MROH9: variants seen among roughly 807,000 people sequenced by gnomAD.
The protein encoded by MROH9 is maestro heat-like repeat-containing protein family member 9.
Under a neutral mutation model 98.2 loss-of-function variants are expected in MROH9, and 92 were observed. The ratio of observed to expected loss-of-function variants is 0.94; its 90% CI spans 0.79 to 1.11. The LOEUF (loss-of-function observed/expected upper bound fraction) is 1.11, where lower values mean the gene tolerates loss of function less well. Among genes scored for constraint, MROH9 ranks in the 50% most tolerant of loss-of-function variants. The pLI is 0.00. For synonymous variants in MROH9, 397 were observed against 368.9 expected (o/e 1.08, Z -0.87); for missense variants, 1,057 against 1,014.8 (o/e 1.04, Z -0.57).
chr1:170,950,127 G>A (rs566633849), intron 3 of MROH9, among the ~76,000 whole-genome samples: 1 of 152,128 alleles, frequency 6.6e-6, no homozygotes, highest in African/African-American at 2.4e-5. Flanking sequence ...GTGGCAGAAC[G>A]AGGTTATAAA....
chr1:171,019,883 T>C (rs1000951663), intron 17 of MROH9, among the ~76,000 whole-genome samples: 3 of 151,394 alleles, frequency 2.0e-5, no homozygotes, highest in Non-Finnish European at 2.9e-5. Context: ...TAGACTAATA[T>C]AGAAAAAAAG....
intron 16 of MROH9, 135 bp from the exon 17 acceptor site, chr1:171,016,028 A>T (rs1652310753): frequency 6.4e-6 from 3 of 470,772 alleles, no homozygotes; most frequent in Non-Finnish European, 1.1e-5. Flanking sequence ...CATTTTTGAA[A>T]ATTTGACAAG....
chr1:170,975,811 G>T (rs1248126156), intron 8 of MROH9, among the ~76,000 whole-genome samples: 2 of 152,182 alleles, frequency 1.3e-5, no homozygotes, highest in Non-Finnish European at 2.9e-5. Flanking sequence ...CTAAGAACTT[G>T]CTGTATGAAT....
At chr1:170,954,173 G>A (rs1319149441) in intron 3 of MROH9, among the ~76,000 whole-genome samples, 1 of 151,906 alleles carries the variant, frequency 6.6e-6, no homozygotes, top group Non-Finnish European at 1.5e-5. Context: ...AATATACTGG[G>A]CACTCACACA....
chr1:170,977,519 G>A (rs1427442756), intron 8 of MROH9, among the ~76,000 whole-genome samples: 4 of 152,080 alleles, frequency 2.6e-5, no homozygotes, highest in Non-Finnish European at 5.9e-5. Context: ...GAAGCTTTAG[G>A]GTGTGATCTG....
intron 1 of MROH9, among the ~76,000 whole-genome samples, chr1:170,942,179 G>A (rs540475306): frequency 1.3e-5 from 2 of 152,176 alleles, no homozygotes; most frequent in East Asian, 3.9e-4. Flanking sequence ...TTCTTTTGGA[G>A]TGTAGCACAT....
At chr1:170,976,793 G>T (rs773827415) in intron 8 of MROH9, among the ~76,000 whole-genome samples, 25 of 152,136 alleles carry the variant, frequency 1.6e-4, no homozygotes, top group Non-Finnish European at 3.4e-4. Flanking sequence ...GCAAGGTTGG[G>T]GAAGTTTTCA....
At chr1:171,047,658 T>C (rs764184415) in intron 20 of MROH9, among the ~76,000 whole-genome samples, 24 of 152,180 alleles carry the variant, frequency 1.6e-4, no homozygotes, top group Non-Finnish European at 2.5e-4. Flanking sequence ...GATTGGTCCA[T>C]GGTGCCTTAT....
intron 3 of MROH9, among the ~76,000 whole-genome samples, chr1:170,957,609 G>T (rs572732078): frequency 1.3e-5 from 2 of 152,036 alleles, no homozygotes; most frequent in South Asian, 4.2e-4. Flanking sequence ...AGACCTCCAT[G>T]TTCTTTCTTA....
intron 8 of MROH9, among the ~76,000 whole-genome samples, chr1:170,982,247 G>T (rs1650960537): frequency 7.1e-6 from 1 of 141,264 alleles, no homozygotes; most frequent in Non-Finnish European, 1.6e-5. Flanking sequence ...ACATATAATA[G>T]AATACTATTA....
intron 8 of MROH9, among the ~76,000 whole-genome samples, chr1:170,975,678 G>A (rs943191489): frequency 2.0e-5 from 3 of 151,824 alleles, no homozygotes; most frequent in Non-Finnish European, 2.9e-5. Flanking sequence ...TTAAGAAAAT[G>A]ACCTTTTTTG....
intron 7 of MROH9, among the ~76,000 whole-genome samples, chr1:170,970,890 G>T (rs941874526): frequency 6.6e-6 from 1 of 152,070 alleles, no homozygotes; most frequent in Non-Finnish European, 1.5e-5. Flanking sequence ...ATCAACAATT[G>T]CTCCAATCAT....
intron 20 of MROH9, among the ~76,000 whole-genome samples, chr1:171,045,361 T>C (rs1653441368): frequency 6.6e-6 from 1 of 152,130 alleles, no homozygotes; most frequent in Admixed American, 6.6e-5. Flanking sequence ...CTCTTGCTTC[T>C]CTAGTTCTTT....
intron 17 of MROH9, among the ~76,000 whole-genome samples, chr1:171,024,096 C>T (rs750073741): frequency 3.9e-5 from 6 of 152,104 alleles, no homozygotes; most frequent in Non-Finnish European, 5.9e-5. Context: ...TTTTTTAAGG[C>T]TGAAAAGTAT....
chr1:170,996,589 T>C lies in MROH9; in HGVS notation c.1420T>C (p.Trp474Arg). The change falls in exon 14 of 22, where the codon TGG becomes CGG. Residue 474 changes from tryptophan (W) to arginine (R), a missense_variant. Coordinates refer to ENST00000367759, the MANE Select transcript of MROH9 (RefSeq NM_001163629.2). ...VDITLMKENF[W>R]DQLSEDLCYY... ...TATTACTCTAATGAAGGAGAATTTCTGGGACCAGTTATCTGAAGATCTGTG... is the reference window on the plus strand; with the variant it reads ...TATTACTCTAATGAAGGAGAATTTCCGGGACCAGTTATCTGAAGATCTGTG... 2.5e-6 allele frequency: 4 copies of C among 1,613,662 alleles called. No individual in the cohort carries two copies. In the South Asian group the frequency reaches 4.4e-5, roughly 18 times the overall value.
intron 6 of MROH9, among the ~76,000 whole-genome samples, chr1:170,963,206 T>C (rs1252623684): frequency 6.6e-6 from 1 of 150,462 alleles, no homozygotes; most frequent in Admixed American, 6.6e-5. Flanking sequence ...GACATACATG[T>C]GGCCAACAAG....
At chr1:171,055,995 A>G (rs1176174204) in intron 20 of MROH9, among the ~76,000 whole-genome samples, 1 of 152,150 alleles carries the variant, frequency 6.6e-6, no homozygotes, top group African/African-American at 2.4e-5. Context: ...CCACAGAACT[A>G]TGAAACCCAC....
In MROH9 at chr1:170,958,563, T is replaced by C. The variant is rs147957610; in HGVS notation, c.152+23T>C. 152 of 1,452,298 alleles carry C rather than the reference T, an allele frequency of 1.0e-4. No individual in the cohort carries two copies. In the African/African-American group the frequency reaches 2.0e-3, roughly 19 times the overall value. 90.0% of individuals were successfully genotyped at this position (1,452,298 alleles called of 1,614,324 possible). ...CAGGTATGATAAGCTATCATGCTCT[T>C]TTATTTCACTAATTGGATGCATTTA... On this transcript the variant is annotated intron_variant, in intron 4 of 21. Transcript: ENST00000367759.
intron 7 of MROH9, among the ~76,000 whole-genome samples, chr1:170,971,173 T>C (rs923748257): frequency 1.3e-5 from 2 of 152,118 alleles, no homozygotes; most frequent in African/African-American, 4.8e-5. Flanking sequence ...AGTCTAAGGG[T>C]TGAAGAAGTT....
Sources: gnomAD v4.1 joint callset for allele counts (sites outside exome capture counted in the v4.1 genomes callset) on GRCh38, gnomAD v4.1.1 for gene constraint, MANE v1.5 for transcripts, NCBI Gene and HGNC (gene_info 2026-07-23, HGNC 2026-07-21) for gene names.